The following CCNB3 variants were observed in gnomAD, a reference collection of about 807,000 sequenced individuals.
CCNB3 encodes the protein cyclin B3.
In CCNB3, 12 loss-of-function variants were observed where a neutral mutation model predicts 68.0. The observed-to-expected ratio is 0.18, with a 90% CI of 0.11 to 0.29. The LOEUF is 0.29. CCNB3 is among the 10% of genes least tolerant of loss of function. CCNB3 has a pLI of 1.00. For synonymous variants in CCNB3, 354 were observed against 388.9 expected (o/e 0.91, Z 1.06); for missense variants, 904 against 993.1 (o/e 0.91, Z 1.21).
intron 4 of CCNB3, among the ~76,000 whole-genome samples, chrX:50,292,651 C>T (rs935027929): frequency 9.0e-6 from 1 of 111,215 alleles, no homozygotes; most frequent in South Asian, 3.8e-4. Flanking sequence ...CATGAGCCTT[C>T]CCTTCTCCAC....
intron 1 of CCNB3, among the ~76,000 whole-genome samples, chrX:50,217,273 T>G: frequency 1.1e-5 from 1 of 87,121 alleles, no homozygotes; most frequent in Non-Finnish European, 2.2e-5. Context: ...TCTTGTTTTT[T>G]TTTTTTTTTT....
intron 1 of CCNB3, among the ~76,000 whole-genome samples, chrX:50,226,466 A>G (rs1458347758): frequency 2.9e-5 from 2 of 69,458 alleles, no homozygotes; most frequent in South Asian, 7.0e-4. Context: ...AAATATATAT[A>G]GAATATATAT....
intron 1 of CCNB3, among the ~76,000 whole-genome samples, chrX:50,222,615 A>G (rs1206290906): frequency 3.6e-5 from 4 of 111,847 alleles, no homozygotes; most frequent in Non-Finnish European, 7.5e-5. Context: ...TCTGGCCTAT[A>G]GGGTTTCTGC....
At position 50,346,800 on chromosome X, in the gene CCNB3, A is replaced by G. The variant is rs782640273; in HGVS notation, c.3803A>G (p.Tyr1268Cys). Residue 1268 changes from tyrosine to cysteine, a missense_variant, in exon 10 of 13, where the codon TAT becomes TGT. Physicochemically the swap from Tyr to Cys is radical, Grantham distance 194. Coordinates refer to ENST00000376042, the MANE Select transcript of CCNB3 (RefSeq NM_033031.3). ...ATCGCCTACCATTTTCTGCGCAGAT[A>G]TGCTAGGGTAAGAGAGAAGAGACAC... The part of the protein sequence containing the change: ...IPIAYHFLRR[Y>C]ARCIHTNMKT... The G allele has an allele frequency of 8.3e-7, 1 of 1,209,826 alleles. No homozygotes were observed. The highest frequency in any genetic ancestry group is 3.0e-5 in the East Asian group (1 of 33,838).
intron 8 of CCNB3, among the ~76,000 whole-genome samples, chrX:50,329,961 A>G (rs1922510808): frequency 8.9e-6 from 1 of 111,856 alleles, no homozygotes; most frequent in Admixed American, 9.5e-5. Flanking sequence ...TTGTTACTTT[A>G]GGTTCAAACT....
At chrX:50,295,719 A>G (rs1185891794) in intron 5 of CCNB3, among the ~76,000 whole-genome samples, 1 of 111,631 alleles carries the variant, frequency 9.0e-6, no homozygotes, top group Non-Finnish European at 1.9e-5. Context: ...TTTGCTAGCC[A>G]GAAGGCCTGG....
chrX:50,284,689 G>A, intron 2 of CCNB3, 73 bp downstream of exon 2: 1 of 127,050 alleles, frequency 7.9e-6, no homozygotes, highest in Non-Finnish European at 1.6e-5. Context: ...TAAGAACATT[G>A]GCTCTACCAG....
At chrX:50,208,143 C>G (rs781835162) in intron 1 of CCNB3, among the ~76,000 whole-genome samples, 5 of 112,043 alleles carry the variant, frequency 4.5e-5, no homozygotes, top group Non-Finnish European at 9.4e-5. Flanking sequence ...TTATTGGGGG[C>G]TGGTGATACA....
chrX:50,282,137 T>C (rs1165563719), intron 1 of CCNB3, among the ~76,000 whole-genome samples: 2 of 111,710 alleles, frequency 1.8e-5, no homozygotes, highest in Admixed American at 9.6e-5. Flanking sequence ...TTCCAGGTGA[T>C]GCTAATGTTG....
intron 5 of CCNB3, among the ~76,000 whole-genome samples, chrX:50,308,149 C>T (rs1921180313): frequency 8.9e-6 from 1 of 111,988 alleles, no homozygotes; most frequent in African/African-American, 3.2e-5. Flanking sequence ...GGTTGATAGA[C>T]AAAGACAAAT....
At chrX:50,226,126 G>A (rs1355433711) in intron 1 of CCNB3, among the ~76,000 whole-genome samples, 2 of 67,489 alleles carry the variant, frequency 3.0e-5, no homozygotes, top group Non-Finnish European at 2.6e-5. Flanking sequence ...ATATATATTC[G>A]ATATATATAA....
intron 1 of CCNB3, among the ~76,000 whole-genome samples, chrX:50,228,442 G>T (rs1050675013): frequency 1.1e-5 from 1 of 91,397 alleles, no homozygotes; most frequent in Admixed American, 1.4e-4. Flanking sequence ...AGAGGATATA[G>T]CTATATAGAA....
intron 8 of CCNB3, among the ~76,000 whole-genome samples, chrX:50,319,308 GATTT>G (rs1313801604): frequency 9.0e-5 from 10 of 110,764 alleles, no homozygotes; most frequent in Non-Finnish European, 1.7e-4. Context: ...AATTTTCTTT[GATTT>G]ATTTTTCTCA....
intron 8 of CCNB3, among the ~76,000 whole-genome samples, chrX:50,331,368 T>G (rs1922587172): frequency 8.9e-6 from 1 of 111,982 alleles, no homozygotes; most frequent in Admixed American, 9.4e-5. Flanking sequence ...TGTATTCCTT[T>G]CTGTGTGATT....
At chrX:50,313,709 C>A in intron 7 of CCNB3, 147 bp from the exon 8 acceptor site, 1 of 410,517 alleles carries the variant, frequency 2.4e-6, no homozygotes, top group Non-Finnish European at 4.2e-6. Flanking sequence ...CTGCAACTTG[C>A]CTGGAAAAGG....
At chrX:50,214,508 A>ATATATATATATATATATATATATATG (rs1211047337) in intron 1 of CCNB3, among the ~76,000 whole-genome samples, 1 of 68,771 alleles carries the variant, frequency 1.5e-5, no homozygotes, top group Non-Finnish European at 2.9e-5. Flanking sequence ...ATATATATAT[A>ATATATATATATATATATATATATATG]TTTTAGCTGT....
At chrX:50,207,078 C>T (rs1264620247) in intron 1 of CCNB3, among the ~76,000 whole-genome samples, 1 of 112,034 alleles carries the variant, frequency 8.9e-6, no homozygotes, top group African/African-American at 3.2e-5. Context: ...GACAGAATCA[C>T]TCCCCATCCT....
At chrX:50,302,793 A>T (rs782394347) in intron 5 of CCNB3, among the ~76,000 whole-genome samples, 5 of 111,739 alleles carry the variant, frequency 4.5e-5, no homozygotes, top group Non-Finnish European at 9.4e-5. Flanking sequence ...TCAGTACTTC[A>T]TTTCTTTTTA....
intron 8 of CCNB3, among the ~76,000 whole-genome samples, chrX:50,336,570 C>A (rs1231492115): frequency 1.8e-5 from 2 of 112,517 alleles, no homozygotes; most frequent in African/African-American, 6.5e-5. Flanking sequence ...TCAGGACTAT[C>A]TGGATCAAAA....
Sources: allele counts gnomAD v4.1 joint callset (sites outside exome capture counted in the v4.1 genomes callset), GRCh38; gene constraint gnomAD v4.1.1; transcripts MANE v1.5; gene names NCBI Gene and HGNC (gene_info 2026-07-23, HGNC 2026-07-21).